PCDH7: variants seen among roughly 807,000 people sequenced by gnomAD.
PCDH7 encodes protocadherin 7.
A neutral mutation model predicts 58.9 loss-of-function variants in PCDH7; 17 were observed. That is an observed-to-expected ratio of 0.29 (90% confidence interval 0.20 to 0.43). The LOEUF is 0.43. Ranked by LOEUF, PCDH7 falls within the 20% of genes least tolerant of loss-of-function variation. The probability of loss-of-function intolerance (pLI) is 1.00; values close to 1 mark genes in which losing one functional copy is unlikely to be tolerated. For synonymous variants in PCDH7, 664 were observed against 616.4 expected (o/e 1.08, Z -1.14); for missense variants, 1,274 against 1,441.0 (o/e 0.88, Z 1.88).
intron 1 of PCDH7, among the ~76,000 whole-genome samples, chr4:30,918,096 C>G (rs9998569): frequency 0.66 from 100,039 of 152,036 alleles, 32,931 homozygotes; most frequent in South Asian, 0.67. Flanking sequence ...ACCCTCCTTT[C>G]TCTTTTTATG....
chr4:31,141,629 G>T (rs1211878919), intron 3 of PCDH7, among the ~76,000 whole-genome samples: 1 of 152,286 alleles, frequency 6.6e-6, no homozygotes. Context: ...CTTTGTACAT[G>T]ATTTAGCCTT....
At chr4:30,955,331 A>G (rs1320912030) in intron 3 of PCDH7, among the ~76,000 whole-genome samples, 1 of 152,032 alleles carries the variant, frequency 6.6e-6, no homozygotes, top group Non-Finnish European at 1.5e-5. Context: ...AACATGGGGA[A>G]AAAACTGACT....
chr4:31,100,629 G>A (rs915006472), intron 3 of PCDH7, among the ~76,000 whole-genome samples: 6 of 152,082 alleles, frequency 3.9e-5, no homozygotes, highest in East Asian at 1.9e-4. Context: ...TAACTTGTAC[G>A]GAAATTAACA....
chr4:30,949,319 A>G (rs998628229), intron 2 of PCDH7, among the ~76,000 whole-genome samples: 5 of 152,178 alleles, frequency 3.3e-5, no homozygotes, highest in Non-Finnish European at 5.9e-5. Context: ...TTCTTTTAAA[A>G]TAAATTCTAA....
At chr4:31,084,701 GA>G (rs1230689272) in intron 3 of PCDH7, among the ~76,000 whole-genome samples, 5 of 110,044 alleles carry the variant, frequency 4.5e-5, no homozygotes, top group African/African-American at 3.4e-5. Flanking sequence ...GAGGGAAGGG[GA>G]AAAGGGAGGA....
intron 1 of PCDH7, among the ~76,000 whole-genome samples, chr4:30,738,455 C>A (rs950718562): frequency 6.6e-6 from 1 of 151,486 alleles, no homozygotes; most frequent in African/African-American, 2.4e-5. Context: ...ATCTATACTA[C>A]GTTTGCATGG....
At chr4:30,790,834 G>T (rs1281413136) in intron 1 of PCDH7, among the ~76,000 whole-genome samples, 1 of 152,012 alleles carries the variant, frequency 6.6e-6, no homozygotes, top group Non-Finnish European at 1.5e-5. Context: ...GAGGTGGGAG[G>T]ATTGCTTGAG....
rs111256274 is a variant in PCDH7, at chr4:30,786,142, G to A, written c.70+61546G>A. ...TACAGTCATGACTTTGAAAAGGGGC[G>A]TAATTCATCCTTGACCAGAGATTAG... On this transcript the variant is annotated intron_variant, in intron 1 of 3. Transcript: ENST00000509759. Among the ~76,000 whole-genome samples the A allele has an allele frequency of 1.4e-3, 212 of 152,130 alleles. 1 individual carries two copies. Among genetic ancestry groups the A allele is most frequent in the African/African-American group, 4.5e-3 (185 of 41,536 alleles).
At chr4:30,942,056 T>C (rs1456265457) in intron 2 of PCDH7, among the ~76,000 whole-genome samples, 1 of 151,936 alleles carries the variant, frequency 6.6e-6, no homozygotes, top group African/African-American at 2.4e-5. Context: ...TTTATGCTAC[T>C]TGATGACATG....
At chr4:30,898,279 A>T (rs1359528039) in intron 1 of PCDH7, among the ~76,000 whole-genome samples, 2 of 152,174 alleles carry the variant, frequency 1.3e-5, no homozygotes, top group Non-Finnish European at 2.9e-5. Flanking sequence ...TAAAACCCGA[A>T]GGAGTTTAAG....
chr4:30,865,159 G>A (rs962294282), intron 1 of PCDH7, among the ~76,000 whole-genome samples: 13 of 152,030 alleles, frequency 8.6e-5, no homozygotes, highest in Non-Finnish European at 1.6e-4. Context: ...GAAGAGGAAG[G>A]AAGTCAGGAT....
At chr4:31,103,619 G>A (rs1250821021) in intron 3 of PCDH7, among the ~76,000 whole-genome samples, 1 of 152,124 alleles carries the variant, frequency 6.6e-6, no homozygotes, top group African/African-American at 2.4e-5. Context: ...TTACAAGCAT[G>A]AGCCTCCCAA....
rs564460507 is a variant in PCDH7, at chr4:31,051,496, G to A, written c.*8-90977G>A. Among the ~76,000 whole-genome samples, 9 of 152,122 alleles carry A rather than the reference G, an allele frequency of 5.9e-5. No homozygotes were observed. In the South Asian group the frequency reaches 1.5e-3, roughly 25 times the overall value. ...TTCCAGCCATAGAATAATAATCCCT[G>A]GATTTTATATGTAGGTTTTTAAAAA... is the stretch of plus-strand genomic sequence containing the variant. On this transcript the variant is annotated intron_variant, in intron 3 of 3. Coordinates refer to the PCDH7 transcript ENST00000509759.
intron 1 of PCDH7, among the ~76,000 whole-genome samples, chr4:30,848,672 T>A (rs904168637): frequency 1.3e-5 from 2 of 152,148 alleles, no homozygotes; most frequent in Admixed American, 1.3e-4. Flanking sequence ...AAGTTCAGTT[T>A]GTATTCCAAC....
At chr4:30,907,282 T>C in intron 1 of PCDH7, among the ~76,000 whole-genome samples, 1 of 152,106 alleles carries the variant, frequency 6.6e-6, no homozygotes, top group African/African-American at 2.4e-5. Flanking sequence ...AAAGAGCTTC[T>C]GCACAGCAAA....
At chr4:30,858,200 A>G (rs1429689514) in intron 1 of PCDH7, among the ~76,000 whole-genome samples, 1 of 152,080 alleles carries the variant, frequency 6.6e-6, no homozygotes. Flanking sequence ...CAGTCTTTTT[A>G]TACTCTTCCC....
intron 3 of PCDH7, among the ~76,000 whole-genome samples, chr4:31,021,840 G>C (rs1578581896): frequency 6.6e-6 from 1 of 152,176 alleles, no homozygotes; most frequent in South Asian, 2.1e-4. Context: ...CTAGTGAGTT[G>C]CTATGACAGA....
intron 3 of PCDH7, among the ~76,000 whole-genome samples, chr4:31,029,835 T>C (rs567093511): frequency 6.6e-6 from 1 of 152,186 alleles, no homozygotes; most frequent in Non-Finnish European, 1.5e-5. Flanking sequence ...TTCCTAAGGA[T>C]CATACACTAG....
chr4:30,822,571 C>T (rs1045481094), intron 1 of PCDH7, among the ~76,000 whole-genome samples: 2 of 151,988 alleles, frequency 1.3e-5, no homozygotes, highest in South Asian at 4.2e-4. Flanking sequence ...TTTGATGAAT[C>T]CGTCATGGTT....
Sources: gnomAD v4.1 joint callset for allele counts (sites outside exome capture counted in the v4.1 genomes callset) on GRCh38, gnomAD v4.1.1 for gene constraint, MANE v1.5 for transcripts, NCBI Gene and HGNC (gene_info 2026-07-23, HGNC 2026-07-21) for gene names.